LGI3: variants seen among roughly 807,000 people sequenced by gnomAD.
The protein encoded by LGI3 is leucine-rich repeat LGI family member 3.
In LGI3, 47 loss-of-function variants were observed where a neutral mutation model predicts 55.4. The ratio of observed to expected loss-of-function variants is 0.85; its 90% CI spans 0.67 to 1.08. The LOEUF is 1.08. LGI3 is among the 50% of genes least tolerant of loss of function. LGI3 has a pLI of 0.00. For missense variants in LGI3, 664 were observed against 726.3 expected (o/e 0.91, Z 0.99); for synonymous variants, 326 against 315.0 (o/e 1.04, Z -0.37).
chr8:22,153,926 C>A, intron 5 of LGI3, 42 bp downstream of exon 5: 1 of 1,592,730 alleles, frequency 6.3e-7, no homozygotes, highest in Non-Finnish European at 8.6e-7. Context: ...CAGGGATGCG[C>A]CCTCTGCGGC....
In LGI3 at chr8:22,154,217, G is replaced by A. The variant is rs541843303; in HGVS notation, c.351-4C>T. 3.1e-6 allele frequency: 5 copies of A among 1,613,512 alleles called. No individual in the cohort carries two copies. In the South Asian group the frequency reaches 5.5e-5, roughly 18 times the overall value. The stretch of plus-strand genomic sequence containing the variant: ...GATGTCATTGTTCTCAATGAAGCTG[G>A]GGAAAGCGGGAACTTGCCTCAGTGC... On this transcript the variant is annotated splice_region_variant and splice_polypyrimidine_tract_variant and intron_variant, in intron 3 of 7. Transcript: ENST00000306317.
rs569108213 is a variant in LGI3 at position 22,152,449 on chromosome 8, T to C, written c.495-449A>G. On this transcript the variant is annotated intron_variant, in intron 5 of 7. Coordinates refer to ENST00000306317, the MANE Select transcript of LGI3 (RefSeq NM_139278.4). The stretch of plus-strand genomic sequence containing the variant: ...AATGTAGAGTCCAATCAAACATACA[T>C]TTAAAAAGCACAGGCTGGGCATGGT... 3.9e-5 allele frequency among the ~76,000 whole-genome samples: 6 copies of C among 152,248 alleles called. No homozygotes were observed. The South Asian group carries it at 1.2e-3, about 32-fold the overall frequency.
rs1827464778 is a variant in LGI3 at position 22,154,744 on chromosome 8, C to T, written c.279-113G>A. On this transcript the variant is annotated intron_variant, in intron 2 of 7. Coordinates refer to ENST00000306317, the MANE Select transcript of LGI3 (RefSeq NM_139278.4). ...AAGACATGACTGCCCTGCTGCTACCCCTGGGGACCCCATGGGGAATCCCTG... is the reference window on the plus strand; with the variant it reads ...AAGACATGACTGCCCTGCTGCTACCTCTGGGGACCCCATGGGGAATCCCTG... 3 of 798,652 alleles carry T rather than the reference C, an allele frequency of 3.8e-6. No homozygotes were observed. The African/African-American group carries it at 5.1e-5, about 14-fold the overall frequency. The allele number at this position is 798,652 out of a possible 1,614,324, so 49.5% of individuals were successfully genotyped here.
At position 22,147,786 on chromosome 8, in the gene LGI3, C is replaced by T. The variant is rs1003021824; in HGVS notation, c.*374G>A. On this transcript the variant is annotated 3_prime_UTR_variant, in exon 8 of 8. Coordinates refer to ENST00000306317, the MANE Select transcript of LGI3 (RefSeq NM_139278.4). ...TGCCTGGAGCACCAACAGGAAAGACCAGAGGGGCAGAAGGAGAAGCACAAG... is the reference window on the plus strand; with the variant it reads ...TGCCTGGAGCACCAACAGGAAAGACTAGAGGGGCAGAAGGAGAAGCACAAG... 7 of 206,958 alleles carry T rather than the reference C, an allele frequency of 3.4e-5. No individual in the cohort carries two copies. The highest frequency in any genetic ancestry group is 6.9e-5 in the Non-Finnish European group (7 of 102,134). 12.8% of individuals were successfully genotyped at this position (206,958 alleles called of 1,614,324 possible).
In LGI3 at chr8:22,154,992, G is replaced by A. The variant is rs1563212261; in HGVS notation, c.279-361C>T. Reference sequence around the variant, plus strand: ...ATGGACGGCATCTTGTAGGGTTGGAGACACTCCTGCCATCCCTTTCTTTCA... The same window carrying A: ...ATGGACGGCATCTTGTAGGGTTGGAAACACTCCTGCCATCCCTTTCTTTCA... On this transcript the variant is annotated intron_variant, in intron 2 of 7. Coordinates refer to ENST00000306317, the MANE Select transcript of LGI3 (RefSeq NM_139278.4). 4 of 408,502 alleles carry A rather than the reference G, an allele frequency of 9.8e-6. No individual in the cohort carries two copies. The South Asian group carries it at 1.1e-4, about 12-fold the overall frequency. 25.3% of individuals were successfully genotyped at this position (408,502 alleles called of 1,614,324 possible). A position where few individuals can be genotyped will look rare whatever the true frequency, so the allele number is the denominator to read the frequency against.
chr8:22,149,105 C>G, intron 7 of LGI3, 128 bp from the exon 8 acceptor site: 1 of 638,358 alleles, frequency 1.6e-6, no homozygotes, highest in Admixed American at 3.0e-5. Context: ...ACCATTCCAC[C>G]CACACTGAAG....
At chr8:22,155,533 G>A (rs751347301) in intron 1 of LGI3, 70 bp from the exon 2 acceptor site, 39 of 1,281,832 alleles carry the variant, frequency 3.0e-5, no homozygotes, top group South Asian at 2.1e-4. Flanking sequence ...AGGTGAACAC[G>A]GAGGGCAGTA....
intron 7 of LGI3, among the ~76,000 whole-genome samples, chr8:22,149,880 A>G (rs539171519): frequency 6.6e-6 from 1 of 152,092 alleles, no homozygotes; most frequent in East Asian, 1.9e-4. Flanking sequence ...CCCCCATGCC[A>G]CACCCCAGCT....
chr8:22,152,025 G>A, intron 5 of LGI3, 25 bp from the exon 6 acceptor site: 1 of 1,560,884 alleles, frequency 6.4e-7, no homozygotes, highest in South Asian at 1.2e-5. Context: ...CAGAGGAGGG[G>A]GGCACAGAGA....
Position 22,151,853 on chromosome 8 carries a change from C to G in LGI3, c.642G>C (p.Arg214=). ...QEHKVQDLPL[R]EFDCITTDFV... ...TACCTGTGGTGATGCAATCGAACTC[C>G]CGCAGCGGCAGGTCCTGCACCTTGT... The change falls in exon 6 of 8, where the codon CGG becomes CGC. Residue 214 remains arginine (R), a synonymous_variant. Coordinates refer to ENST00000306317, the MANE Select transcript of LGI3 (RefSeq NM_139278.4). 1.9e-6 allele frequency: 3 copies of G among 1,611,414 alleles called. No individual in the cohort carries two copies. The highest frequency in any genetic ancestry group is 1.7e-4 in the Middle Eastern group (1 of 6,002).
rs763691960 is a variant in LGI3, at chr8:22,155,422, G to C, written c.248C>G (p.Ala83Gly). 3 of 1,613,756 alleles carry C rather than the reference G, an allele frequency of 1.9e-6. No homozygotes were observed. Among genetic ancestry groups the C allele is most frequent in the African/African-American group, 1.3e-5 (1 of 74,924 alleles). The change falls in exon 2 of 8, where the codon GCG becomes GGG. Residue 83 changes from alanine to glycine, a missense_variant. By Grantham distance (60) the Ala-to-Gly change is moderately conservative. Transcript: ENST00000306317. ...NAAFSEIQDGAFSHLPLLQFL... is the reference protein window; with the variant it reads ...NAAFSEIQDGGFSHLPLLQFL... ...CTGCAGCAGCGGGAGGTGGGAGAACGCTCCATCCTGGATCTCTGAGAAGGC... is the reference window on the plus strand; with the variant it reads ...CTGCAGCAGCGGGAGGTGGGAGAACCCTCCATCCTGGATCTCTGAGAAGGC...
Position 22,154,027 on chromosome 8 carries a change from G to T in LGI3, c.435C>A (p.Asn145Lys), listed in dbSNP as rs1827452283. 2 of 1,614,102 alleles carry T rather than the reference G, an allele frequency of 1.2e-6. No homozygotes were observed. The highest frequency in any genetic ancestry group is 2.7e-5 in the African/African-American group (2 of 74,926). Residue 145 changes from asparagine (N) to lysine (K), a missense_variant, in exon 5 of 8, where the codon AAC becomes AAA. Coordinates refer to ENST00000306317, the MANE Select transcript of LGI3 (RefSeq NM_139278.4). Reference sequence around the variant, plus strand: ...CTCTGGGCAGTGTCTGCAGGTTATTGTTGGCCAGCGAGCTGCAAAAGAGAC... The same window carrying T: ...CTCTGGGCAGTGTCTGCAGGTTATTTTTGGCCAGCGAGCTGCAAAAGAGAC... Reference protein sequence around the residue: ...LKSLTHLSLANNNLQTLPRDI... With the variant: ...LKSLTHLSLAKNNLQTLPRDI...
chr8:22,148,343 GGAGAA>G lies in LGI3; in HGVS notation c.1459_1463del (p.Phe487LeufsTer9). ...CATCCCACTGGTAGATCTGGGTGAA[GGAGAA>G]ATCACTGCCCAGTGCCAGGTAGCGG... On this transcript the variant is annotated frameshift_variant, in exon 8 of 8. Transcript: ENST00000306317. LOFTEE classifies it high-confidence loss of function. This position sits in a 1 kb window ranked among gnomAD's most constrained non-coding sequence, Gnocchi z 7.0. The G allele has an allele frequency of 6.2e-7, 1 of 1,614,098 alleles. No individual in the cohort carries two copies. Among genetic ancestry groups the G allele is most frequent in the Non-Finnish European group, 8.5e-7 (1 of 1,179,998 alleles).
chr8:22,155,291 C>G, intron 2 of LGI3, 101 bp downstream of exon 2: 1 of 1,079,926 alleles, frequency 9.3e-7, no homozygotes. Context: ...TCTTCGTCTG[C>G]AGAGGCTGCC....
At chr8:22,156,273 C>A in intron 1 of LGI3, 64 bp downstream of exon 1, 1 of 1,560,320 alleles carries the variant, frequency 6.4e-7, no homozygotes, top group African/African-American at 1.4e-5. Flanking sequence ...CTCCTGTCCT[C>A]TCCCAGAGCT....
At position 22,153,286 on chromosome 8, in the gene LGI3, T is replaced by C. The variant is rs184176461; in HGVS notation, c.494+682A>G. 5.2e-3 allele frequency among the ~76,000 whole-genome samples: 773 copies of C among 149,996 alleles called. 5 individuals carry two copies. The highest frequency in any genetic ancestry group is 9.3e-3 in the South Asian group (42 of 4,500). On this transcript the variant is annotated intron_variant, in intron 5 of 7. Transcript: ENST00000306317. ...TTTTAGTACAGACGGCGTTTCACCATGTTGGCCAGGCTGGTCTGGAACTCC... is the reference window on the plus strand; with the variant it reads ...TTTTAGTACAGACGGCGTTTCACCACGTTGGCCAGGCTGGTCTGGAACTCC...
rs879102712 is a variant in LGI3, at chr8:22,148,107, C to G, written c.*53G>C. ...AGGCATACGTGGTGCTCACAGAGGC[C>G]CCCACCCATCCTCCAGTGGCCACCC... On this transcript the variant is annotated 3_prime_UTR_variant, in exon 8 of 8. Coordinates refer to ENST00000306317, the MANE Select transcript of LGI3 (RefSeq NM_139278.4). The surrounding 1 kb of genome is among the most constrained non-coding windows in gnomAD (Gnocchi z 7.0). The G allele has an allele frequency of 6.9e-7, 1 of 1,451,112 alleles. No individual in the cohort carries two copies. The highest frequency in any genetic ancestry group is 9.3e-7 in the Non-Finnish European group (1 of 1,075,958). The allele number at this position is 1,451,112 out of a possible 1,614,324, so 89.9% of individuals were successfully genotyped here.
rs752250633 is a variant in LGI3 at position 22,148,734 on chromosome 8, C to A, written c.1073G>T (p.Arg358Leu). ...GGAGTAGAAGCCATTCTGGTGCCAG[C>A]GGTAGAGGCTGGTGGCGCCTGCCTT... ...SSKAGATSLY[R>L]WHQNGFYSHQ... Residue 358 changes from arginine (R) to leucine (L), a missense_variant, in exon 8 of 8, where the codon CGC becomes CTC. Arg to Leu is a moderately radical substitution (Grantham distance 102). Transcript: ENST00000306317. The surrounding 1 kb of genome is among the most constrained non-coding windows in gnomAD (Gnocchi z 7.0). 8 of 1,614,154 alleles carry A rather than the reference C, an allele frequency of 5.0e-6. No homozygotes were observed. Among genetic ancestry groups the A allele is most frequent in the South Asian group, 2.2e-5 (2 of 91,084 alleles).
chr8:22,151,799 G>A, intron 6 of LGI3, 32 bp downstream of exon 6: 3 of 1,587,870 alleles, frequency 1.9e-6, no homozygotes, highest in Non-Finnish European at 1.7e-6. Flanking sequence ...GGGTAGGCGT[G>A]GACTGACACC....
Sources: gnomAD v4.1 joint callset for allele counts (sites outside exome capture counted in the v4.1 genomes callset) on GRCh38, gnomAD v4.1.1 for gene constraint, Gnocchi (gnomAD v3.1) non-coding constraint, MANE v1.5 for transcripts, NCBI Gene and HGNC (gene_info 2026-07-23, HGNC 2026-07-21) for gene names.